Variants in PRAG1 observed in about 807,000 individuals in gnomAD.
PRAG1 encodes the protein inactive tyrosine-protein kinase PRAG1.
In PRAG1, 110 loss-of-function variants were observed where a neutral mutation model predicts 95.6. The ratio of observed to expected loss-of-function variants is 1.15; its 90% confidence interval spans 0.99 to 1.35. The LOEUF (loss-of-function observed/expected upper bound fraction) is 1.35. Among genes scored for constraint, PRAG1 ranks in the 40% most tolerant of loss-of-function variants. The probability of loss-of-function intolerance (pLI) is 0.00; values close to 1 mark genes in which losing one functional copy is unlikely to be tolerated. For synonymous variants in PRAG1, 1,052 were observed against 819.4 expected (o/e 1.28, Z -4.85); for missense variants, 2,554 against 1,864.7 (o/e 1.37, Z -6.81).
At chr8:8,357,439 T>C (rs186429178) in intron 3 of PRAG1, among the ~76,000 whole-genome samples, 2 of 152,268 alleles carry the variant, frequency 1.3e-5, no homozygotes, top group East Asian at 3.9e-4. Flanking sequence ...CATAAAAAGA[T>C]ACTCAACATC....
At chr8:8,368,540 A>T (rs1316510041) in intron 3 of PRAG1, among the ~76,000 whole-genome samples, 2 of 152,234 alleles carry the variant, frequency 1.3e-5, no homozygotes, top group Non-Finnish European at 2.9e-5. Flanking sequence ...ATCAACCCTG[A>T]TAGAAGGAAA....
intron 2 of PRAG1, among the ~76,000 whole-genome samples, chr8:8,378,739 C>T (rs1004784806): frequency 2.6e-5 from 4 of 151,902 alleles, no homozygotes; most frequent in African/African-American, 4.8e-5. Context: ...TGTGTACCTA[C>T]AGTCCCAGCT....
At chr8:8,345,049 GTGTGTGT>G (rs1799288216) in intron 3 of PRAG1, among the ~76,000 whole-genome samples, 1 of 59,294 alleles carries the variant, frequency 1.7e-5, no homozygotes, top group African/African-American at 8.5e-5. Flanking sequence ...TCCGCAGGGT[GTGTGTGT>G]GTGTGTGTGT....
Position 8,323,341 on chromosome 8 carries a change from T to TA in PRAG1, c.3073-4040dup, listed in dbSNP as rs555688352. On this transcript the variant is annotated intron_variant, in intron 5 of 5. Coordinates refer to ENST00000615670, the MANE Select transcript of PRAG1 (RefSeq NM_001080826.3). ...CCTCCCTTTTTTTTTTTTTTTGAGA[T>TA]AGAGTCTTGCTCTGTTGCCCAGGCT... Among the ~76,000 whole-genome samples, 180 of 145,014 alleles carry TA rather than the reference T, an allele frequency of 1.2e-3. 5 individuals carry two copies. The highest frequency in any genetic ancestry group is 0.012 in the Admixed American group (162 of 13,808).
At chr8:8,337,321 C>A (rs1407818262) in intron 4 of PRAG1, among the ~76,000 whole-genome samples, 1 of 152,104 alleles carries the variant, frequency 6.6e-6, no homozygotes, top group Admixed American at 6.5e-5. Flanking sequence ...GAGTTAAGGA[C>A]CCATGGGACT....
In PRAG1 at chr8:8,376,638, C is replaced by T; in HGVS notation, c.1771G>A (p.Gly591Ser). 1.2e-6 allele frequency: 2 copies of T among 1,607,082 alleles called. No homozygotes were observed. Among genetic ancestry groups the T allele is most frequent in the Non-Finnish European group, 8.5e-7 (1 of 1,176,756 alleles). The part of the protein sequence containing the change: ...SSIGPQPPSQ[G>S]PADPAPSCRT... The stretch of plus-strand genomic sequence containing the variant: ...CAGGAAGGAGCGGGGTCAGCAGGAC[C>T]TTGGGATGGAGGCTGGGGCCCAATG... The change falls in exon 3 of 6, where the codon GGT (glycine) becomes AGT (serine). Residue 591 changes from glycine to serine, a missense_variant. Gly to Ser is a moderately conservative substitution (Grantham distance 56, BLOSUM62 0). Transcript: ENST00000615670.
intron 3 of PRAG1, among the ~76,000 whole-genome samples, chr8:8,375,894 G>C (rs1449594532): frequency 3.3e-5 from 5 of 151,974 alleles, no homozygotes; most frequent in Admixed American, 2.0e-4. Flanking sequence ...AAAATATTCA[G>C]GACTTCCTGG....
Position 8,318,816 on chromosome 8 carries a change from G to T in PRAG1, c.3559C>A (p.Pro1187Thr). The part of the protein sequence containing the change: ...AAPPCSSAAP[P>T]AGGTLSPAAG... ...GCGGGGCTGAGAGTGCCACCAGCAG[G>T]CGGGGCGGCAGAGGAGCAGGGAGGC... Residue 1187 changes from proline (P) to threonine (T), a missense_variant, in exon 6 of 6, where the codon CCT (proline) becomes ACT (threonine). Coordinates refer to ENST00000615670, the MANE Select transcript of PRAG1 (RefSeq NM_001080826.3). This position sits in a 1 kb window ranked among gnomAD's most constrained non-coding sequence, Gnocchi z 4.2. 1 of 1,428,100 alleles carries T rather than the reference G, an allele frequency of 7.0e-7. No homozygotes were observed. The highest frequency in any genetic ancestry group is 1.4e-5 in the South Asian group (1 of 71,836). The allele number at this position is 1,428,100 out of a possible 1,614,324, so 88.5% of individuals were successfully genotyped here. A position where few individuals can be genotyped will look rare whatever the true frequency, so the allele number is the denominator to read the frequency against.
In PRAG1 at chr8:8,328,218, T is replaced by C. The variant is rs746783519; in HGVS notation, c.2564A>G (p.Asn855Ser). Residue 855 changes from asparagine (N) to serine (S), a missense_variant, in exon 5 of 6, where the codon AAC (asparagine) becomes AGC (serine). Transcript: ENST00000615670. ...GCTAAAGTGAGATTCGTCGTGGACG[T>C]TGGTTTCCGAGTGGCTTAGGTTCAG... Reference protein sequence around the residue: ...PKLNLSHSETNVHDESHFSYS... With the variant: ...PKLNLSHSETSVHDESHFSYS... The C allele has an allele frequency of 1.9e-6, 3 of 1,614,170 alleles. No individual in the cohort carries two copies. The highest frequency in any genetic ancestry group is 1.3e-5 in the African/African-American group (1 of 75,036).
chr8:8,352,170 C>G (rs1799542968), intron 3 of PRAG1, among the ~76,000 whole-genome samples: 1 of 152,192 alleles, frequency 6.6e-6, no homozygotes. Context: ...GACCAAAGCT[C>G]TTAGGATGAG....
Position 8,377,517 on chromosome 8 carries a change from C to A in PRAG1, c.892G>T (p.Ala298Ser), listed in dbSNP as rs373475824. 3 of 1,569,912 alleles carry A rather than the reference C, an allele frequency of 1.9e-6. No homozygotes were observed. The highest frequency in any genetic ancestry group is 2.6e-6 in the Non-Finnish European group (3 of 1,157,282). ...CTCGGGCCCCGCTTCTCCTGCTCTG[C>A]GGGCCCGGAACACTTCCCCTGCTCC... The part of the protein sequence containing the change: ...CWEQGKCSGP[A>S]EQEKRGPSFP... The change falls in exon 3 of 6, where the codon GCA (alanine) becomes TCA (serine). Residue 298 changes from alanine to serine, a missense_variant. Ala to Ser is a moderately conservative substitution (Grantham distance 99). Coordinates refer to ENST00000615670, the MANE Select transcript of PRAG1 (RefSeq NM_001080826.3).
chr8:8,342,713 T>C (rs1050219595), intron 3 of PRAG1, among the ~76,000 whole-genome samples: 1 of 151,974 alleles, frequency 6.6e-6, no homozygotes. Flanking sequence ...CTATTTATGA[T>C]GTGAAGAAAA....
At chr8:8,324,107 G>C (rs1385732795) in intron 5 of PRAG1, among the ~76,000 whole-genome samples, 1 of 152,196 alleles carries the variant, frequency 6.6e-6, no homozygotes, top group Non-Finnish European at 1.5e-5. Context: ...AATGGGGAAG[G>C]TTGCTATGGT....
At position 8,376,562 on chromosome 8, in the gene PRAG1, G is replaced by A. The variant is rs761974439; in HGVS notation, c.1847C>T (p.Ala616Val). 12 of 1,607,194 alleles carry A rather than the reference G, an allele frequency of 7.5e-6. No individual in the cohort carries two copies. The East Asian group carries it at 1.3e-4, about 18-fold the overall frequency. The change falls in exon 3 of 6, where the codon GCC (alanine) becomes GTC (valine). Residue 616 changes from alanine (A) to valine (V), a missense_variant. By Grantham distance (64) the Ala-to-Val change is moderately conservative (BLOSUM62 0). Transcript: ENST00000615670. ...ISDPSRCPQP[A>V]ASSASEQRRP... Reference sequence around the variant, plus strand: ...CCTCTGTTCCGAGGCTGACGAGGCGGCAGGCTGGGGACACCTGGATGGGTC... The same window carrying A: ...CCTCTGTTCCGAGGCTGACGAGGCGACAGGCTGGGGACACCTGGATGGGTC...
Position 8,377,534 on chromosome 8 carries a change from C to A in PRAG1, c.875G>T (p.Gly292Val). The A allele has an allele frequency of 6.3e-7, 1 of 1,589,322 alleles. No homozygotes were observed. The highest frequency in any genetic ancestry group is 8.6e-7 in the Non-Finnish European group (1 of 1,166,600). Residue 292 changes from glycine to valine, a missense_variant, in exon 3 of 6, where the codon GGG (glycine) becomes GTG (valine). Gly to Val is a moderately radical substitution (Grantham distance 109). Transcript: ENST00000615670. Reference sequence around the variant, plus strand: ...CTGCTCTGCGGGCCCGGAACACTTCCCCTGCTCCCAGCACGTGGGTGAGCA... The same window carrying A: ...CTGCTCTGCGGGCCCGGAACACTTCACCTGCTCCCAGCACGTGGGTGAGCA... ...RDCSPTCWEQ[G>V]KCSGPAEQEK...
In PRAG1 at chr8:8,376,560, C is replaced by G. The variant is rs749572667; in HGVS notation, c.1849G>C (p.Ala617Pro). 1.9e-6 allele frequency: 3 copies of G among 1,608,514 alleles called. No homozygotes were observed. Among genetic ancestry groups the G allele is most frequent in the Non-Finnish European group, 2.6e-6 (3 of 1,176,190 alleles). The change falls in exon 3 of 6, where the codon GCC becomes CCC. Residue 617 changes from alanine to proline, a missense_variant. Transcript: ENST00000615670. ...CGCCTCTGTTCCGAGGCTGACGAGG[C>G]GGCAGGCTGGGGACACCTGGATGGG... is the stretch of plus-strand genomic sequence containing the variant. Reference protein sequence around the residue: ...SDPSRCPQPAASSASEQRRPR... With the variant: ...SDPSRCPQPAPSSASEQRRPR...
Position 8,377,013 on chromosome 8 carries a change from G to A in PRAG1, c.1396C>T (p.Pro466Ser), listed in dbSNP as rs184583146. The change falls in exon 3 of 6, where the codon CCA becomes TCA. Residue 466 changes from proline to serine, a missense_variant. Physicochemically the swap from Pro to Ser is moderately conservative, Grantham distance 74 (BLOSUM62 -1). Transcript: ENST00000615670. ...ASGWGRDSPD[P>S]TPQVSATITV... ...ATGGTGGCTGACACCTGGGGAGTTG[G>A]GTCTGGGCTGTCCCGGCCCCAGCCA... is the stretch of plus-strand genomic sequence containing the variant. 3.0e-4 allele frequency: 482 copies of A among 1,613,912 alleles called. 10 individuals are homozygous for A. In the East Asian group the frequency reaches 5.9e-3, roughly 20 times the overall value.
intron 3 of PRAG1, among the ~76,000 whole-genome samples, chr8:8,372,456 C>A (rs547026131): frequency 6.6e-6 from 1 of 152,278 alleles, no homozygotes; most frequent in East Asian, 1.9e-4. Flanking sequence ...CAGGGGTGAC[C>A]CAGAGACTCT....
chr8:8,367,366 G>C (rs1415830502), intron 3 of PRAG1, among the ~76,000 whole-genome samples: 1 of 145,136 alleles, frequency 6.9e-6, no homozygotes, highest in African/African-American at 2.5e-5. Flanking sequence ...GATGAGGCAG[G>C]GGAATCGCTT....
Sources: allele counts gnomAD v4.1 joint callset (sites outside exome capture counted in the v4.1 genomes callset), GRCh38; gene constraint gnomAD v4.1.1; non-coding constraint Gnocchi (gnomAD v3.1); transcripts MANE v1.5; gene names NCBI Gene and HGNC (gene_info 2026-07-23, HGNC 2026-07-21).